The following RIF1 variants were observed in gnomAD, a reference collection of about 807,000 sequenced individuals.
The protein encoded by RIF1 is telomere-associated protein RIF1.
In RIF1, 45 loss-of-function variants were observed where a neutral mutation model predicts 247.1. That is an observed-to-expected ratio of 0.18 (90% CI 0.14 to 0.23). The LOEUF (loss-of-function observed/expected upper bound fraction) is 0.23. RIF1 is among the 10% of genes least tolerant of loss of function. The pLI is 1.00. For missense variants in RIF1, 2,967 were observed against 2,862.5 expected (o/e 1.04, Z -0.83); for synonymous variants, 1,087 against 978.8 (o/e 1.11, Z -2.06).
intron 21 of RIF1, 81 bp from the exon 22 acceptor site, chr2:151,454,814 G>A: frequency 4.0e-6 from 4 of 1,010,212 alleles, no homozygotes; most frequent in East Asian, 2.6e-5. Context: ...ATTTAAATGT[G>A]AGCTATAAAT....
chr2:151,494,569 G>A (rs1213514060), intron 9 of RIF1, among the ~76,000 whole-genome samples: 3 of 152,290 alleles, frequency 2.0e-5, no homozygotes, highest in East Asian at 3.9e-4. Context: ...CCAAACAGGA[G>A]TTACAGGCAT....
chr2:151,465,476 G>A lies in RIF1; in HGVS notation c.5956G>A (p.Ala1986Thr), dbSNP rs1245166881. Residue 1986 changes from alanine (A) to threonine (T), a missense_variant, in exon 30 of 36, where the codon GCT becomes ACT. Ala to Thr is a moderately conservative substitution (Grantham distance 58). This residue lies in a region of RIF1 where 2,028 missense variants were observed against 1,825.6 expected (regional missense o/e 1.11). Coordinates refer to ENST00000444746, the MANE Select transcript of RIF1 (RefSeq NM_018151.5). Reference sequence around the variant, plus strand: ...TAATACTACACCTGTAAAATTGAATGCTCAAACTGAGATTTCTGAACAAAC... The same window carrying A: ...TAATACTACACCTGTAAAATTGAATACTCAAACTGAGATTTCTGAACAAAC... ...SDNTTPVKLN[A>T]QTEISEQTAA... 1 of 1,614,008 alleles carries A rather than the reference G, an allele frequency of 6.2e-7. No homozygotes were observed. The highest frequency in any genetic ancestry group is 8.5e-7 in the Non-Finnish European group (1 of 1,179,968).
In RIF1 at chr2:151,420,264, T is replaced by G; in HGVS notation, c.578T>G (p.Val193Gly). 1 of 1,614,150 alleles carries G rather than the reference T, an allele frequency of 6.2e-7. No homozygotes were observed. The highest frequency in any genetic ancestry group is 1.1e-5 in the South Asian group (1 of 91,080). The change falls in exon 7 of 36, where the codon GTT becomes GGT. Residue 193 changes from valine (V) to glycine (G), a missense_variant. Val to Gly is a moderately radical substitution (Grantham distance 109). This residue lies in a region of RIF1 where 269 missense variants were observed against 288.6 expected (regional missense o/e 0.93). Coordinates refer to ENST00000444746, the MANE Select transcript of RIF1 (RefSeq NM_018151.5). The stretch of plus-strand genomic sequence containing the variant: ...GCAAAACTGGTCATACCTTTAGTGG[T>G]TCATTCAGCACAAAAGGTACATTTG... Reference protein sequence around the residue: ...RWAKLVIPLVVHSAQKVHLRG... With the variant: ...RWAKLVIPLVGHSAQKVHLRG...
downstream of RIF1, chr2:151,512,921 T>C (rs1334761603): frequency 7.8e-6 from 7 of 901,540 alleles, no homozygotes; most frequent in Non-Finnish European, 1.2e-5. Context: ...AGGTGAGCCA[T>C]ATTTCTTTTC....
At chr2:151,486,189 G>T, downstream of RIF1, 1 of 410,806 alleles carries the variant, frequency 2.4e-6, no homozygotes, top group Non-Finnish European at 4.4e-6. Flanking sequence ...AAGAGGCAAA[G>T]GATATGAATA....
rs1298197519 is a variant in RIF1 at position 151,463,077 on chromosome 2, A to C, written c.3557A>C (p.Glu1186Ala). The C allele has an allele frequency of 6.2e-7, 1 of 1,613,934 alleles. No homozygotes were observed. ...ALISSRKTST[E>A]CASSTENSFV... is the part of the protein sequence containing the mutation. The stretch of plus-strand genomic sequence containing the variant: ...ATTTCATCAAGGAAAACATCAACTG[A>C]ATGTGCATCTAGTACAGAAAATTCT... Residue 1186 changes from glutamate (E) to alanine (A), a missense_variant, in exon 30 of 36, where the codon GAA becomes GCA. Physicochemically the swap from Glu to Ala is moderately radical, Grantham distance 107 (BLOSUM62 -1). Around this residue, in one of 7 missense-constraint regions of RIF1, gnomAD observed 2,028 missense variants for 1,825.6 expected, o/e 1.11. Transcript: ENST00000444746.
Position 151,477,222 on chromosome 2 carries a change from C to T in RIF1, c.*2151C>T, listed in dbSNP as rs1283076595. 6.6e-6 allele frequency: 1 copy of T among 152,114 alleles called. No homozygotes were observed. Among genetic ancestry groups the T allele is most frequent in the Non-Finnish European group, 1.5e-5 (1 of 68,014 alleles). The allele number at this position is 152,114 out of a possible 1,614,324, so 9.4% of individuals were successfully genotyped here. A position where few individuals can be genotyped will look rare whatever the true frequency, so the allele number is the denominator to read the frequency against. On this transcript the variant is annotated 3_prime_UTR_variant, in exon 36 of 36. Coordinates refer to ENST00000444746, the MANE Select transcript of RIF1 (RefSeq NM_018151.5). Reference sequence around the variant, plus strand: ...TGCAAATTTCCCCCTTAGTAATTCCCGAATAGCAAAACATTAATATTCCAT... The same window carrying T: ...TGCAAATTTCCCCCTTAGTAATTCCTGAATAGCAAAACATTAATATTCCAT...
At chr2:151,496,396 A>G in intron 10 of RIF1, 1 of 1,583,490 alleles carries the variant, frequency 6.3e-7, no homozygotes, top group South Asian at 1.2e-5. Flanking sequence ...ATCCAGAAAA[A>G]CAACCATGAG....
the RIF1 span, chr2:151,524,290 C>T: frequency 5.0e-6 from 8 of 1,592,012 alleles, no homozygotes; most frequent in Non-Finnish European, 6.9e-6. Flanking sequence ...TGAGAGCCAC[C>T]AGTGCACCCA....
chr2:151,423,263 A>G (rs1200382123), intron 8 of RIF1: 1 of 460,456 alleles, frequency 2.2e-6, no homozygotes, highest in Non-Finnish European at 3.8e-6. Context: ...TTGGAGTCAC[A>G]CAACGTGCAT....
chr2:151,517,821 C>T, the RIF1 span, among the ~76,000 whole-genome samples: 1 of 152,174 alleles, frequency 6.6e-6, no homozygotes, highest in East Asian at 1.9e-4. Context: ...AGGGTAGCTC[C>T]ATTATAATCT....
chr2:151,446,595 A>G lies in RIF1; in HGVS notation c.2244+20A>G, dbSNP rs753885585. On this transcript the variant is annotated intron_variant, in intron 20 of 35. Transcript: ENST00000444746. Reference sequence around the variant, plus strand: ...TTTTCTGTGAGTTTGTCCTGATGCTACCTTTTTTTGTTTGTTTTTAAAGGA... The same window carrying G: ...TTTTCTGTGAGTTTGTCCTGATGCTGCCTTTTTTTGTTTGTTTTTAAAGGA... 3.6e-5 allele frequency: 58 copies of G among 1,600,950 alleles called. No homozygotes were observed. The highest frequency in any genetic ancestry group is 4.6e-5 in the Non-Finnish European group (54 of 1,176,908).
At chr2:151,524,544 CCTT>C in the RIF1 span, 1 of 1,612,700 alleles carries the variant, frequency 6.2e-7, no homozygotes, top group African/African-American at 1.3e-5. Flanking sequence ...GCCTGTGTGG[CCTT>C]CTTGATGTCT....
At chr2:151,438,241 A>G (rs1362818029) in intron 13 of RIF1, among the ~76,000 whole-genome samples, 1 of 152,072 alleles carries the variant, frequency 6.6e-6, no homozygotes, top group African/African-American at 2.4e-5. Context: ...AGTTTGGGAG[A>G]GGCTAAGGTG....
downstream of RIF1, chr2:151,486,752 C>G (rs749631051): frequency 6.6e-6 from 1 of 152,158 alleles, no homozygotes; most frequent in Non-Finnish European, 1.5e-5. Flanking sequence ...ACGCCATGCA[C>G]CAAGGTCAGT....
chr2:151,528,957 C>G, the RIF1 span, among the ~76,000 whole-genome samples: 1 of 152,216 alleles, frequency 6.6e-6, no homozygotes, highest in Non-Finnish European at 1.5e-5. Context: ...TTCTCAGCCA[C>G]CCACCGCAAA....
intron 15 of RIF1, 126 bp downstream of exon 15, chr2:151,440,253 G>A: frequency 1.6e-6 from 1 of 637,460 alleles, no homozygotes; most frequent in Non-Finnish European, 2.7e-6. Flanking sequence ...CAGCAGTTTA[G>A]TCCTATTGCA....
the RIF1 span, chr2:151,514,478 TTC>T: frequency 7.4e-7 from 1 of 1,356,884 alleles, no homozygotes; most frequent in African/African-American, 1.4e-5. Context: ...CCCAGATTGA[TTC>T]TCTCAGGCAA....
At chr2:151,434,726 C>T (rs1002014631) in intron 10 of RIF1, among the ~76,000 whole-genome samples, 1 of 152,120 alleles carries the variant, frequency 6.6e-6, no homozygotes, top group Non-Finnish European at 1.5e-5. Flanking sequence ...AGGCATGAGC[C>T]ACTGCGCCAG....
Sources: gnomAD v4.1 joint callset for allele counts (sites outside exome capture counted in the v4.1 genomes callset) on GRCh38, gnomAD v4.1.1 for gene constraint, gnomAD v4.1.1 regional missense constraint, MANE v1.5 for transcripts, NCBI Gene and HGNC (gene_info 2026-07-23, HGNC 2026-07-21) for gene names.